Variants in CFAP97D1 observed in about 807,000 individuals in gnomAD.
CFAP97D1 encodes sperm axonemal maintenance protein CFAP97D1.
In CFAP97D1, 15 loss-of-function variants were observed where a neutral mutation model predicts 20.5. The observed-to-expected ratio is 0.73, with a 90% CI of 0.49 to 1.13. The LOEUF is 1.13. Among genes scored for constraint, CFAP97D1 ranks in the 50% most tolerant of loss-of-function variants. The pLI is 0.00. For synonymous variants in CFAP97D1, 58 were observed against 71.2 expected, an observed-to-expected ratio of 0.82 and a Z score of 0.93; for missense variants, 168 against 202.9, an observed-to-expected ratio of 0.83 and a Z score of 1.04.
chr17:43,781,920 T>G, intron 3 of CFAP97D1, 28 bp downstream of exon 3: 1 of 1,456,734 alleles, frequency 6.9e-7, no homozygotes, highest in Non-Finnish European at 9.4e-7. Context: ...CATTTCAGTT[T>G]TGAAAAGTCA....
Position 43,783,870 on chromosome 17 carries a change from TATC to T in CFAP97D1, c.473_475del (p.Tyr158_Leu159delinsPhe). 6.4e-7 allele frequency: 1 copy of T among 1,550,590 alleles called. No homozygotes were observed. Reference sequence around the variant, plus strand: ...GCGCTATATCAGAAATACCACGAGATATCTTCTCTCCCAAAATGAATAGGTATG... The same window carrying T: ...GCGCTATATCAGAAATACCACGAGATTTCTCTCCCAAAATGAATAGGTATG... On this transcript the variant is annotated inframe_deletion, in exon 5 of 6. Coordinates refer to ENST00000449302, the MANE Select transcript of CFAP97D1 (RefSeq NM_001136483.3).
chr17:43,781,745 C>A, intron 2 of CFAP97D1, 29 bp from the exon 3 acceptor site: 1 of 1,388,808 alleles, frequency 7.2e-7, no homozygotes, highest in South Asian at 1.2e-5. Flanking sequence ...CTGATGGTGT[C>A]ACCATGGTGA....
chr17:43,783,787 A>AAT, intron 4 of CFAP97D1, 50 bp from the exon 5 acceptor site: 2 of 1,337,710 alleles, frequency 1.5e-6, no homozygotes, highest in Non-Finnish European at 2.1e-6. Flanking sequence ...GAACTTCAGT[A>AAT]ATAGCACCAA....
chr17:43,783,062 G>A (rs1301972715), intron 3 of CFAP97D1, 118 bp from the exon 4 acceptor site: 3 of 1,310,484 alleles, frequency 2.3e-6, no homozygotes, highest in African/African-American at 2.9e-5. Context: ...GGCTCAGCAG[G>A]ACAGTTTACT....
intron 3 of CFAP97D1, chr17:43,782,957 G>A: frequency 1.8e-6 from 1 of 549,082 alleles, no homozygotes; most frequent in Non-Finnish European, 3.3e-6. Flanking sequence ...CTTCTCATGG[G>A]CAACAGGGTT....
At chr17:43,782,207 T>G (rs1019112787) in intron 3 of CFAP97D1, among the ~76,000 whole-genome samples, 4 of 152,342 alleles carry the variant, frequency 2.6e-5, no homozygotes, top group African/African-American at 9.6e-5. Flanking sequence ...TGCTATAAAC[T>G]GGTGGCTTAT....
In CFAP97D1 at chr17:43,784,368, T is replaced by C. The variant is rs1481800702; in HGVS notation, c.*1-15T>C. On this transcript the variant is annotated splice_polypyrimidine_tract_variant and intron_variant, in intron 5 of 5. Transcript: ENST00000449302. The stretch of plus-strand genomic sequence containing the variant: ...AATTGATGTGTCTCCTTCTCTCTTC[T>C]CCACTGAATACAAGGTTACTCACCA... 1 of 153,380 alleles carries C rather than the reference T, an allele frequency of 6.5e-6. No individual in the cohort carries two copies. The highest frequency in any genetic ancestry group is 1.9e-4 in the East Asian group (1 of 5,244). The allele number at this position is 153,380 out of a possible 1,614,324, so 9.5% of individuals were successfully genotyped here. A position where few individuals can be genotyped will look rare whatever the true frequency, so the allele number is the denominator to read the frequency against.
rs2044280101 is a variant in CFAP97D1, at chr17:43,784,742, T to C, written c.*360T>C. On this transcript the variant is annotated 3_prime_UTR_variant, in exon 6 of 6. Coordinates refer to ENST00000449302, the MANE Select transcript of CFAP97D1 (RefSeq NM_001136483.3). ...AGCCACAAGTACAGCACTGTCAAAA[T>C]GGAAAACGAAATCACATGACAACAT... 6.6e-6 allele frequency: 1 copy of C among 152,032 alleles called. No individual in the cohort carries two copies. The highest frequency in any genetic ancestry group is 2.4e-5 in the African/African-American group (1 of 41,400). The allele number at this position is 152,032 out of a possible 1,614,324, so 9.4% of individuals were successfully genotyped here.
intron 4 of CFAP97D1, 79 bp from the exon 5 acceptor site, chr17:43,783,757 TA>T: frequency 9.0e-7 from 1 of 1,106,768 alleles, no homozygotes; most frequent in Non-Finnish European, 1.3e-6. Context: ...AAATCTTTTC[TA>T]AGTCATCCCT....
At chr17:43,782,190 A>G (rs902679186) in intron 3 of CFAP97D1, among the ~76,000 whole-genome samples, 2 of 152,260 alleles carry the variant, frequency 1.3e-5, no homozygotes, top group African/African-American at 4.8e-5. Flanking sequence ...AGGGCGCTAT[A>G]GCAAATTGCT....
rs779284614 is a variant in CFAP97D1, at chr17:43,784,511, C to T, written c.*129C>T. The T allele has an allele frequency of 3.9e-5, 6 of 152,120 alleles. No homozygotes were observed. The highest frequency in any genetic ancestry group is 5.9e-5 in the Non-Finnish European group (4 of 68,024). 9.4% of individuals were successfully genotyped at this position (152,120 alleles called of 1,614,324 possible). A position where few individuals can be genotyped will look rare whatever the true frequency, so the allele number is the denominator to read the frequency against. ...TCAATAAAGCTTGGAACATAAAATGCGTAAGTTACATTTAGGGGACCCAAA... is the reference window on the plus strand; with the variant it reads ...TCAATAAAGCTTGGAACATAAAATGTGTAAGTTACATTTAGGGGACCCAAA... On this transcript the variant is annotated 3_prime_UTR_variant, in exon 6 of 6. Coordinates refer to ENST00000449302, the MANE Select transcript of CFAP97D1 (RefSeq NM_001136483.3).
At chr17:43,781,235 C>A in intron 2 of CFAP97D1, 46 bp downstream of exon 2, 1 of 1,451,164 alleles carries the variant, frequency 6.9e-7, no homozygotes, top group Non-Finnish European at 9.5e-7. Context: ...ATTTTATTGA[C>A]TTCCAGTCTG....
rs1257986119 is a variant in CFAP97D1 at position 43,781,828 on chromosome 17, A to C, written c.250A>C (p.Lys84Gln). The C allele has an allele frequency of 1.3e-6, 2 of 1,551,614 alleles. No homozygotes were observed. Among genetic ancestry groups the C allele is most frequent in the East Asian group, 4.9e-5 (2 of 40,942 alleles). ...GTATGAAAACAAGCAACTGTGTCAG[A>C]AAATCGCAAATGCCCATCGCGGCCC... ...IEYENKQLCQ[K>Q]IANAHRGPAK... The change falls in exon 3 of 6, where the codon AAA becomes CAA. Residue 84 changes from lysine (K) to glutamine (Q), a missense_variant. Coordinates refer to ENST00000449302, the MANE Select transcript of CFAP97D1 (RefSeq NM_001136483.3).
chr17:43,783,266 C>G lies in CFAP97D1; in HGVS notation c.401C>G (p.Pro134Arg). The G allele has an allele frequency of 6.4e-7, 1 of 1,551,316 alleles. No individual in the cohort carries two copies. The highest frequency in any genetic ancestry group is 1.2e-5 in the South Asian group (1 of 84,042). ...GILKRLVDRK[P>R]HYDRRASEID... is the part of the protein sequence containing the mutation. The stretch of plus-strand genomic sequence containing the variant: ...CTGAAGAGGCTTGTTGATCGCAAAC[C>G]CCACTATGACCGCAGGGCATCTGAG... Residue 134 changes from proline (P) to arginine (R), a missense_variant, in exon 4 of 6, where the codon CCC (proline) becomes CGC (arginine). By Grantham distance (103) the Pro-to-Arg change is moderately radical (BLOSUM62 -2). Transcript: ENST00000449302.
chr17:43,780,473 C>A lies in CFAP97D1; in HGVS notation c.11C>A (p.Ser4Tyr), dbSNP rs1308855686. 3.9e-6 allele frequency: 6 copies of A among 1,551,708 alleles called. No individual in the cohort carries two copies. The Middle Eastern group carries it at 8.3e-4, about 216-fold the overall frequency. The part of the protein sequence containing the change: MNN[S>Y]LDYLAYPVIV... Reference sequence around the variant, plus strand: ...GACTAGGAAGAGAAGATGAACAATTCCCTGGATTATCTGGCCTACCCTGTT... The same window carrying A: ...GACTAGGAAGAGAAGATGAACAATTACCTGGATTATCTGGCCTACCCTGTT... Residue 4 changes from serine (S) to tyrosine (Y), a missense_variant, in exon 1 of 6, where the codon TCC becomes TAC. Physicochemically the swap from Ser to Tyr is moderately radical, Grantham distance 144. Coordinates refer to ENST00000449302, the MANE Select transcript of CFAP97D1 (RefSeq NM_001136483.3).
intron 1 of CFAP97D1, 76 bp from the exon 2 acceptor site, chr17:43,781,043 T>C: frequency 9.1e-7 from 1 of 1,098,450 alleles, no homozygotes; most frequent in South Asian, 1.4e-5. Flanking sequence ...AAGGACATTG[T>C]CTAGTGCTGG....
chr17:43,786,217 A>G lies in CFAP97D1; in HGVS notation c.*1835A>G. On this transcript the variant is annotated 3_prime_UTR_variant, in exon 6 of 6. Coordinates refer to ENST00000449302, the MANE Select transcript of CFAP97D1 (RefSeq NM_001136483.3). ...ACAGCAAGTTGGATGATGCCTCTCC[A>G]CATTGAGAGTGGATCTTCCCACATA... 1 of 152,202 alleles carries G rather than the reference A, an allele frequency of 6.6e-6. No homozygotes were observed. Among genetic ancestry groups the G allele is most frequent in the East Asian group, 1.9e-4 (1 of 5,198 alleles). 9.4% of individuals were successfully genotyped at this position (152,202 alleles called of 1,614,324 possible).
chr17:43,783,104 C>A lies in CFAP97D1; in HGVS notation c.315-76C>A, dbSNP rs766353766. The A allele has an allele frequency of 3.5e-5, 54 of 1,531,608 alleles. No homozygotes were observed. The Middle Eastern group carries it at 5.0e-4, about 14-fold the overall frequency. 94.9% of individuals were successfully genotyped at this position (1,531,608 alleles called of 1,614,324 possible). A position where few individuals can be genotyped will look rare whatever the true frequency, so the allele number is the denominator to read the frequency against. On this transcript the variant is annotated intron_variant, in intron 3 of 5. Transcript: ENST00000449302. ...ACTTAGACAGTCTGGCATTTATGAT[C>A]TCATGACTTCATCTCCCCCACTCGT...
In CFAP97D1 at chr17:43,784,607, A is replaced by G. The variant is rs1414185202; in HGVS notation, c.*225A>G. On this transcript the variant is annotated 3_prime_UTR_variant, in exon 6 of 6. Coordinates refer to ENST00000449302, the MANE Select transcript of CFAP97D1 (RefSeq NM_001136483.3). ...GCAATGAGCATTTTTATTTGGGGCT[A>G]TGAAAAGAAGTTTTAACGAGAGAGA... The G allele has an allele frequency of 6.6e-6, 1 of 152,226 alleles. No individual in the cohort carries two copies. Among genetic ancestry groups the G allele is most frequent in the Admixed American group, 6.5e-5 (1 of 15,270 alleles). 9.4% of individuals were successfully genotyped at this position (152,226 alleles called of 1,614,324 possible).
Sources: gnomAD v4.1 joint callset for allele counts (sites outside exome capture counted in the v4.1 genomes callset) on GRCh38, gnomAD v4.1.1 for gene constraint, MANE v1.5 for transcripts, NCBI Gene and HGNC (gene_info 2026-07-23, HGNC 2026-07-21) for gene names.